TP53I11: variants seen among roughly 807,000 people sequenced by gnomAD.
TP53I11 encodes the protein tumor protein p53-inducible protein 11.
In TP53I11, 9 loss-of-function variants were observed where a neutral mutation model predicts 23.3. That is an observed-to-expected ratio of 0.39 (90% CI 0.23 to 0.67). The LOEUF (loss-of-function observed/expected upper bound fraction) is 0.67, where lower values mean the gene tolerates loss of function less well. TP53I11 is among the 30% of genes least tolerant of loss of function. TP53I11 has a pLI of 0.48. For synonymous variants in TP53I11, 100 were observed against 106.1 expected (o/e 0.94, Z 0.35); for missense variants, 170 against 255.2 (o/e 0.67, Z 2.27).
intron 1 of TP53I11, among the ~76,000 whole-genome samples, chr11:44,947,583 A>T (rs920320636): frequency 6.6e-6 from 1 of 152,240 alleles, no homozygotes; most frequent in African/African-American, 2.4e-5. Context: ...TGGGGGAGGC[A>T]GGTGGAAGGG....
At chr11:44,937,248 A>G in intron 4 of TP53I11, 56 bp downstream of exon 4, 4 of 1,541,808 alleles carry the variant, frequency 2.6e-6, no homozygotes, top group Non-Finnish European at 3.5e-6. Flanking sequence ...TGAGCCAGAG[A>G]AGGGCTGAGG....
At position 44,935,026 on chromosome 11, in the gene TP53I11, G is replaced by C. The variant is rs1352315043; in HGVS notation, c.437-9C>G. ...TAGCGTGGCAGTGACCACTGTGGGA[G>C]AGAGTCCAGCAAGGCCACAGGGTCA... On this transcript the variant is annotated splice_polypyrimidine_tract_variant and intron_variant, in intron 6 of 6. Coordinates refer to ENST00000525680, the MANE Select transcript of TP53I11 (RefSeq NM_006034.5). 6.2e-7 allele frequency: 1 copy of C among 1,612,966 alleles called. No homozygotes were observed. The highest frequency in any genetic ancestry group is 8.5e-7 in the Non-Finnish European group (1 of 1,179,920).
At chr11:44,944,173 G>A (rs1232001126) in intron 1 of TP53I11, among the ~76,000 whole-genome samples, 3 of 152,210 alleles carry the variant, frequency 2.0e-5, no homozygotes, top group Non-Finnish European at 4.4e-5. Flanking sequence ...CAGAGGACCT[G>A]GCAGTGGGGG....
chr11:44,942,346 CA>C (rs1861939099), intron 1 of TP53I11, among the ~76,000 whole-genome samples: 1 of 148,958 alleles, frequency 6.7e-6, no homozygotes, highest in African/African-American at 2.5e-5. Context: ...CACACACACA[CA>C]CCCCCACAAC....
chr11:44,937,333 C>A lies in TP53I11; in HGVS notation c.208G>T (p.Ala70Ser). Residue 70 changes from alanine to serine, a missense_variant, in exon 4 of 7, where the codon GCT (alanine) becomes TCT (serine). Physicochemically the swap from Ala to Ser is moderately conservative, Grantham distance 99. Transcript: ENST00000525680. ...LGLRVWQFVS[A>S]VLFSGIAIMA... ...ATGGCAATGCCGGAGAAGAGCACAG[C>A]AGAGACGAACTGCCAGACCCTGGGA... The A allele has an allele frequency of 6.7e-7, 1 of 1,489,016 alleles. No individual in the cohort carries two copies. Among genetic ancestry groups the A allele is most frequent in the Non-Finnish European group, 8.9e-7 (1 of 1,118,882 alleles). 92.2% of individuals were successfully genotyped at this position (1,489,016 alleles called of 1,614,324 possible). A position where few individuals can be genotyped will look rare whatever the true frequency, so the allele number is the denominator to read the frequency against.
chr11:44,935,036 C>A lies in TP53I11; in HGVS notation c.437-19G>T. 13 of 1,612,822 alleles carry A rather than the reference C, an allele frequency of 8.1e-6. No homozygotes were observed. Among genetic ancestry groups the A allele is most frequent in the Non-Finnish European group, 1.1e-5 (13 of 1,179,934 alleles). On this transcript the variant is annotated intron_variant, in intron 6 of 6. Transcript: ENST00000525680. Reference sequence around the variant, plus strand: ...GTGACCACTGTGGGAGAGAGTCCAGCAAGGCCACAGGGTCAGAGGAGGGGA... The same window carrying A: ...GTGACCACTGTGGGAGAGAGTCCAGAAAGGCCACAGGGTCAGAGGAGGGGA...
At chr11:44,941,926 T>A (rs1487334478) in intron 1 of TP53I11, among the ~76,000 whole-genome samples, 1 of 141,170 alleles carries the variant, frequency 7.1e-6, no homozygotes, top group East Asian at 2.1e-4. Flanking sequence ...CTCTGCCTGC[T>A]GACCCCTCTC....
Position 44,935,505 on chromosome 11 carries a change from C to T in TP53I11, c.436+56G>A. The T allele has an allele frequency of 2.0e-6, 3 of 1,524,356 alleles. No homozygotes were observed. In the Admixed American group the frequency reaches 5.0e-5, roughly 25 times the overall value. 94.4% of individuals were successfully genotyped at this position (1,524,356 alleles called of 1,614,324 possible). On this transcript the variant is annotated intron_variant, in intron 6 of 6. Coordinates refer to ENST00000525680, the MANE Select transcript of TP53I11 (RefSeq NM_006034.5). Reference sequence around the variant, plus strand: ...CACACACCCAGGTGGCTAGAGCAGGCAGGTCAGGGGCGAAGCGGCCCATCA... The same window carrying T: ...CACACACCCAGGTGGCTAGAGCAGGTAGGTCAGGGGCGAAGCGGCCCATCA...
chr11:44,938,166 C>T (rs772187109), intron 2 of TP53I11, 41 bp downstream of exon 2: 484 of 1,589,520 alleles, frequency 3.0e-4, no homozygotes, highest in Non-Finnish European at 4.0e-4. Context: ...GTCAGCCTGG[C>T]CTCCCCAGTG....
At chr11:44,945,210 A>T (rs960415009) in intron 1 of TP53I11, among the ~76,000 whole-genome samples, 4 of 152,046 alleles carry the variant, frequency 2.6e-5, no homozygotes, top group Admixed American at 2.0e-4. Flanking sequence ...CTGTTCCTCC[A>T]CCCCTCATAA....
In TP53I11 at chr11:44,936,096, G is replaced by T; in HGVS notation, c.335-434C>A. ...CAGACAGAAAACCTGAGCCCGGTAA[G>T]GACTCGCTTTAAGGAAGTCCCCTGG... On this transcript the variant is annotated intron_variant, in intron 5 of 6. Transcript: ENST00000525680. The surrounding 1 kb of genome is among the most constrained non-coding windows in gnomAD (Gnocchi z 4.4). 2.0e-6 allele frequency: 1 copy of T among 490,368 alleles called. No homozygotes were observed. The highest frequency in any genetic ancestry group is 5.5e-5 in the Admixed American group (1 of 18,334). The allele number at this position is 490,368 out of a possible 1,614,324, so 30.4% of individuals were successfully genotyped here. A position where few individuals can be genotyped will look rare whatever the true frequency, so the allele number is the denominator to read the frequency against.
intron 1 of TP53I11, among the ~76,000 whole-genome samples, chr11:44,946,143 G>A (rs1805731832): frequency 6.6e-6 from 1 of 152,204 alleles, no homozygotes; most frequent in Non-Finnish European, 1.5e-5. Context: ...CTGTCCGGGG[G>A]CTAGAGAGAT....
At chr11:44,949,027 G>C (rs1036564415) in intron 1 of TP53I11, among the ~76,000 whole-genome samples, 1 of 152,234 alleles carries the variant, frequency 6.6e-6, no homozygotes. Context: ...GGAAGTTGAC[G>C]ACATGTGACT....
chr11:44,938,304 T>C lies in TP53I11; in HGVS notation c.32A>G (p.Lys11Arg), dbSNP rs1277214754. 6.2e-7 allele frequency: 1 copy of C among 1,611,712 alleles called. No individual in the cohort carries two copies. The highest frequency in any genetic ancestry group is 8.5e-7 in the Non-Finnish European group (1 of 1,179,178). MAAKQPPPLM[K>R]KHSQTDLVSR... ...CACGAGGTCCGTCTGGCTGTGCTTC[T>C]TCATCAGAGGCGGGGGCTGCTTGGC... Residue 11 changes from lysine to arginine, a missense_variant, in exon 2 of 7, where the codon AAG (lysine) becomes AGG (arginine). By Grantham distance (26) the Lys-to-Arg change is conservative (BLOSUM62 2). Transcript: ENST00000525680.
Position 44,934,771 on chromosome 11 carries a change from G to C in TP53I11, c.*113C>G. On this transcript the variant is annotated 3_prime_UTR_variant, in exon 7 of 7. Transcript: ENST00000525680. ...GCCCCCCACCCCCTGCCTCCCTGGGGCAGGACTGGGGCAGGGCAGGGGACC... is the reference window on the plus strand; with the variant it reads ...GCCCCCCACCCCCTGCCTCCCTGGGCCAGGACTGGGGCAGGGCAGGGGACC... 1.4e-6 allele frequency: 2 copies of C among 1,451,186 alleles called. No individual in the cohort carries two copies. The highest frequency in any genetic ancestry group is 1.9e-6 in the Non-Finnish European group (2 of 1,074,766). 89.9% of individuals were successfully genotyped at this position (1,451,186 alleles called of 1,614,324 possible). A position where few individuals can be genotyped will look rare whatever the true frequency, so the allele number is the denominator to read the frequency against.
intron 1 of TP53I11, among the ~76,000 whole-genome samples, chr11:44,943,445 T>C (rs768283995): frequency 6.6e-6 from 1 of 152,174 alleles, no homozygotes; most frequent in Admixed American, 6.5e-5. Flanking sequence ...AGGGAGGACA[T>C]GGCTCCTAGG....
At chr11:44,939,577 G>A (rs10769103) in intron 1 of TP53I11, among the ~76,000 whole-genome samples, 58,866 of 152,122 alleles carry the variant, frequency 0.39, 12,524 homozygotes, top group East Asian at 0.67. Context: ...AGAGTGCGGG[G>A]ATGTCCCCGG....
chr11:44,945,265 G>A (rs183325636), intron 1 of TP53I11, among the ~76,000 whole-genome samples: 22 of 152,246 alleles, frequency 1.4e-4, no homozygotes, highest in Non-Finnish European at 2.5e-4. Flanking sequence ...TGGGAGGAGC[G>A]GGGCAAGTAC....
At chr11:44,945,675 G>A (rs73456465) in intron 1 of TP53I11, among the ~76,000 whole-genome samples, 2,004 of 152,204 alleles carry the variant, frequency 0.013, 41 homozygotes, top group African/African-American at 0.046. Flanking sequence ...CCATTGTTCT[G>A]TTATCGCTTT....
Sources: gnomAD v4.1 joint callset for allele counts (sites outside exome capture counted in the v4.1 genomes callset) on GRCh38, gnomAD v4.1.1 for gene constraint, Gnocchi (gnomAD v3.1) non-coding constraint, MANE v1.5 for transcripts, NCBI Gene and HGNC (gene_info 2026-07-23, HGNC 2026-07-21) for gene names.